Variants in TMEM164 observed in about 807,000 individuals in gnomAD.
The protein encoded by TMEM164 is RP13-360B22.2.
A neutral mutation model predicts 18.8 loss-of-function variants in TMEM164; 4 were observed. The observed-to-expected ratio is 0.21, with a 90% CI of 0.10 to 0.49. The LOEUF is 0.49. Ranked by LOEUF, TMEM164 falls within the 20% of genes least tolerant of loss-of-function variation. The pLI is 0.98. For synonymous variants in TMEM164, 86 were observed against 101.7 expected (o/e 0.85, Z 0.93); for missense variants, 108 against 239.9 (o/e 0.45, Z 3.63).
At chrX:110,137,981 G>A (rs759707370) in intron 4 of TMEM164, among the ~76,000 whole-genome samples, 1 of 112,144 alleles carries the variant, frequency 8.9e-6, no homozygotes, top group African/African-American at 3.2e-5. Context: ...GGGAGCTAAA[G>A]TTACCCTGGT....
intron 3 of TMEM164, among the ~76,000 whole-genome samples, chrX:110,071,281 G>A (rs1168250109): frequency 9.1e-6 from 1 of 109,814 alleles, no homozygotes; most frequent in Non-Finnish European, 1.9e-5. Flanking sequence ...GGGATTACAG[G>A]TGTGAGCCAC....
chrX:110,097,136 T>A (rs2066034399), intron 3 of TMEM164, among the ~76,000 whole-genome samples: 1 of 111,703 alleles, frequency 9.0e-6, no homozygotes, highest in African/African-American at 3.3e-5. Context: ...CATGACCAGC[T>A]AATTTTTGTA....
intron 6 of TMEM164, among the ~76,000 whole-genome samples, chrX:110,172,356 C>T (rs1293551484): frequency 8.9e-6 from 1 of 112,114 alleles, no homozygotes; most frequent in East Asian, 2.8e-4. Flanking sequence ...GTGCAAGTGG[C>T]AGTAATGTAG....
chrX:110,038,103 G>C (rs1335137170), intron 2 of TMEM164, among the ~76,000 whole-genome samples: 1 of 102,618 alleles, frequency 9.7e-6, no homozygotes, highest in African/African-American at 3.6e-5. Flanking sequence ...CCATTCTCCT[G>C]CCTCAGCCTC....
At chrX:110,022,135 G>C in intron 2 of TMEM164, among the ~76,000 whole-genome samples, 1 of 111,992 alleles carries the variant, frequency 8.9e-6, no homozygotes. Flanking sequence ...TGTAGCCAGG[G>C]TTAGGAATCA....
At chrX:110,039,262 T>C (rs1195521383) in intron 2 of TMEM164, among the ~76,000 whole-genome samples, 1 of 112,531 alleles carries the variant, frequency 8.9e-6, no homozygotes, top group Non-Finnish European at 1.9e-5. Context: ...TGTCCCAATA[T>C]CCTTTTATCT....
chrX:110,109,890 G>A (rs979576129), intron 4 of TMEM164, among the ~76,000 whole-genome samples: 16 of 112,303 alleles, frequency 1.4e-4, no homozygotes, highest in Non-Finnish European at 3.0e-4. Context: ...GCATTAGCAG[G>A]TCACATTGAG....
chrX:110,061,483 A>G (rs1049673993), intron 2 of TMEM164, among the ~76,000 whole-genome samples: 3 of 112,136 alleles, frequency 2.7e-5, no homozygotes, highest in Non-Finnish European at 3.8e-5. Flanking sequence ...CAATGGGACT[A>G]GAAAACATGA....
chrX:110,072,648 T>G (rs1366260539), intron 3 of TMEM164, among the ~76,000 whole-genome samples: 1 of 111,483 alleles, frequency 9.0e-6, no homozygotes, highest in Non-Finnish European at 1.9e-5. Flanking sequence ...ATCAGGTTAG[T>G]AAGCACTTAT....
chrX:110,148,031 G>T (rs1253212885), intron 5 of TMEM164, among the ~76,000 whole-genome samples: 1 of 110,541 alleles, frequency 9.0e-6, no homozygotes, highest in African/African-American at 3.3e-5. Context: ...AGTGTGCCCA[G>T]TCTTGGCCTA....
intron 3 of TMEM164, among the ~76,000 whole-genome samples, chrX:110,089,630 A>G (rs1353754271): frequency 8.9e-6 from 1 of 112,567 alleles, no homozygotes; most frequent in African/African-American, 3.2e-5. Context: ...TGAACATAAT[A>G]TAATGTATTT....
chrX:110,093,866 C>T (rs1028240993), intron 3 of TMEM164, among the ~76,000 whole-genome samples: 25 of 111,963 alleles, frequency 2.2e-4, no homozygotes, highest in African/African-American at 8.1e-4. Flanking sequence ...AAATGTGTCC[C>T]AGAGATTCTG....
intron 2 of TMEM164, among the ~76,000 whole-genome samples, chrX:110,055,975 C>T (rs1935808591): frequency 1.8e-5 from 2 of 111,388 alleles, no homozygotes; most frequent in South Asian, 7.5e-4. Flanking sequence ...TTTTATTTAT[C>T]AAGCAATAAG....
In TMEM164 at chrX:110,003,163, G is replaced by C. The variant is rs956431610; in HGVS notation, c.-290G>C. On this transcript the variant is annotated 5_prime_UTR_variant, in exon 1 of 7. Coordinates refer to ENST00000372068, the MANE Select transcript of TMEM164 (RefSeq NM_032227.4). The stretch of plus-strand genomic sequence containing the variant: ...CGGCCACGCGGTTGCAGGAGTAAGA[G>C]ATCCCTCTGTGGCGAGTGCGTGAGA... 8.9e-6 allele frequency: 1 copy of C among 112,696 alleles called. No homozygotes were observed. The highest frequency in any genetic ancestry group is 3.2e-5 in the African/African-American group (1 of 31,022). The allele number at this position is 112,696 out of a possible 1,213,427, so 9.3% of individuals were successfully genotyped here.
chrX:110,010,291 G>A (rs1932939490), intron 2 of TMEM164, among the ~76,000 whole-genome samples: 1 of 112,249 alleles, frequency 8.9e-6, no homozygotes, highest in African/African-American at 3.2e-5. Flanking sequence ...CTCTTTTTCA[G>A]TGGATACCTC....
chrX:110,062,323 G>GTTTA (rs1309051319), intron 2 of TMEM164, among the ~76,000 whole-genome samples: 1 of 112,007 alleles, frequency 8.9e-6, no homozygotes, highest in East Asian at 2.8e-4. Flanking sequence ...TTAGAAAATA[G>GTTTA]TTTAACATTT....
At chrX:110,124,710 T>C (rs1428392138) in intron 4 of TMEM164, among the ~76,000 whole-genome samples, 1 of 111,462 alleles carries the variant, frequency 9.0e-6, no homozygotes, top group Non-Finnish European at 1.9e-5. Flanking sequence ...ATTGAAAGCA[T>C]ACACAAAAGT....
chrX:110,155,883 A>G lies in TMEM164; in HGVS notation c.586+11007A>G, dbSNP rs1448754514. On this transcript the variant is annotated intron_variant, in intron 5 of 6. Transcript: ENST00000372068. Reference sequence around the variant, plus strand: ...TTCTCATTGCTTAGACTCCGATTCTATCACTTTACCTTCTGGTTTTTATTT... The same window carrying G: ...TTCTCATTGCTTAGACTCCGATTCTGTCACTTTACCTTCTGGTTTTTATTT... Among the ~76,000 whole-genome samples, 3 of 111,796 alleles carry G rather than the reference A, an allele frequency of 2.7e-5. No homozygotes were observed. In the Admixed American group the frequency reaches 2.8e-4, roughly 11 times the overall value.
At chrX:110,131,370 T>C (rs1299690940) in intron 4 of TMEM164, among the ~76,000 whole-genome samples, 1 of 111,634 alleles carries the variant, frequency 9.0e-6, no homozygotes, top group Non-Finnish European at 1.9e-5. Flanking sequence ...TCAGGTCTTT[T>C]AAAGACATTA....
Sources: gnomAD v4.1 joint callset for allele counts (sites outside exome capture counted in the v4.1 genomes callset) on GRCh38, gnomAD v4.1.1 for gene constraint, MANE v1.5 for transcripts, NCBI Gene and HGNC (gene_info 2026-07-23, HGNC 2026-07-21) for gene names.